CDH13: variants seen among roughly 807,000 people sequenced by gnomAD.
The protein encoded by CDH13 is cadherin-13.
A neutral mutation model predicts 63.8 loss-of-function variants in CDH13; 24 were observed. That is an observed-to-expected ratio of 0.38 (90% confidence interval 0.27 to 0.53). CDH13 has a LOEUF of 0.53. Ranked by LOEUF, CDH13 falls within the 20% of genes least tolerant of loss-of-function variation. The probability of loss-of-function intolerance (pLI) is 0.85; values close to 1 mark genes in which losing one functional copy is unlikely to be tolerated. For missense variants in CDH13, 1,049 were observed against 903.1 expected, an observed-to-expected ratio of 1.16 and a Z score of -2.07; for synonymous variants, 503 against 355.3, an observed-to-expected ratio of 1.42 and a Z score of -4.67.
intron 3 of CDH13, among the ~76,000 whole-genome samples, chr16:83,121,894 G>A (rs2035593934): frequency 6.6e-6 from 1 of 151,828 alleles, no homozygotes; most frequent in Non-Finnish European, 1.5e-5. Context: ...ATTTATAGAT[G>A]CTTTCAGAGC....
intron 6 of CDH13, among the ~76,000 whole-genome samples, chr16:83,413,683 G>A (rs530224588): frequency 6.6e-6 from 1 of 152,050 alleles, no homozygotes; most frequent in African/African-American, 2.4e-5. Context: ...TTACCTTGCC[G>A]GCCTCATCTA....
chr16:82,705,401 A>T (rs1198008318), intron 1 of CDH13: 1 of 267,520 alleles, frequency 3.7e-6, no homozygotes, highest in Non-Finnish European at 7.4e-6. Flanking sequence ...CAAGCCACAC[A>T]ATCGCCTCTA....
chr16:83,523,066 C>T (rs1276596682), intron 7 of CDH13, among the ~76,000 whole-genome samples: 1 of 152,172 alleles, frequency 6.6e-6, no homozygotes, highest in Non-Finnish European at 1.5e-5. Context: ...CATTTCTGGA[C>T]CCCCGGCCTC....
chr16:82,793,425 TTTAA>T (rs2036417539), intron 1 of CDH13, among the ~76,000 whole-genome samples: 1 of 149,776 alleles, frequency 6.7e-6, no homozygotes, highest in South Asian at 2.2e-4. Flanking sequence ...TGAAAAAGCA[TTTAA>T]TTGAATGTTC....
At chr16:83,619,012 G>A (rs552042377) in intron 8 of CDH13, among the ~76,000 whole-genome samples, 2 of 152,256 alleles carry the variant, frequency 1.3e-5, no homozygotes, top group South Asian at 2.1e-4. Flanking sequence ...GCTGTTGACC[G>A]GCTCAGATCT....
chr16:82,976,111 G>C (rs1475472676), intron 2 of CDH13, among the ~76,000 whole-genome samples: 1 of 152,318 alleles, frequency 6.6e-6, no homozygotes, highest in South Asian at 2.1e-4. Flanking sequence ...GACAAGAAAA[G>C]TATTTTTCAA....
At chr16:82,654,518 C>T (rs745439533) in intron 1 of CDH13, among the ~76,000 whole-genome samples, 1 of 152,196 alleles carries the variant, frequency 6.6e-6, no homozygotes, top group African/African-American at 2.4e-5. Flanking sequence ...ATGCAATATT[C>T]TTAAACCTAA....
At chr16:82,654,214 G>T (rs1308828833) in intron 1 of CDH13, among the ~76,000 whole-genome samples, 1 of 152,214 alleles carries the variant, frequency 6.6e-6, no homozygotes, top group Non-Finnish European at 1.5e-5. Flanking sequence ...TGGGGAGACA[G>T]CAGGTCCGAG....
chr16:83,359,968 C>T (rs74034190), intron 6 of CDH13, among the ~76,000 whole-genome samples: 2,633 of 152,328 alleles, frequency 0.017, 34 homozygotes, highest in African/African-American at 0.036. Flanking sequence ...GGACACCACA[C>T]ATATACTTTG....
chr16:83,272,255 C>A (rs557228972), intron 5 of CDH13, among the ~76,000 whole-genome samples: 1 of 152,312 alleles, frequency 6.6e-6, no homozygotes, highest in Non-Finnish European at 1.5e-5. Flanking sequence ...GATCCAGTGT[C>A]AGGGAATGAT....
chr16:83,172,017 G>T (rs559012511), intron 4 of CDH13, among the ~76,000 whole-genome samples: 69 of 152,078 alleles, frequency 4.5e-4, no homozygotes, highest in Non-Finnish European at 9.0e-4. Context: ...ACCAAAATTC[G>T]TATGTTGAAG....
chr16:83,658,321 C>G (rs62045339), intron 8 of CDH13, among the ~76,000 whole-genome samples: 24 of 4,922 alleles, frequency 4.9e-3, no homozygotes, highest in South Asian at 0.037. Flanking sequence ...CGTATCCTCA[C>G]CAGCAAGGTC....
chr16:83,171,669 AAATAGCATGC>A, intron 4 of CDH13: 1 of 962,548 alleles, frequency 1.0e-6, no homozygotes, highest in South Asian at 1.4e-5. Flanking sequence ...GTGACACTGC[AAATAGCATGC>A]TCTTTGGCAG....
intron 5 of CDH13, among the ~76,000 whole-genome samples, chr16:83,304,370 A>G (rs1006414324): frequency 6.6e-6 from 1 of 152,212 alleles, no homozygotes; most frequent in African/African-American, 2.4e-5. Flanking sequence ...AAGGAGTCTG[A>G]ATGGGACCAT....
intron 1 of CDH13, among the ~76,000 whole-genome samples, chr16:82,734,034 G>GC (rs1425745513): frequency 2.7e-4 from 1 of 3,672 alleles, no homozygotes; most frequent in Non-Finnish European, 0.016. Context: ...AAAATAAGGT[G>GC]GGAAGAGAAC....
intron 6 of CDH13, among the ~76,000 whole-genome samples, chr16:83,426,529 A>G (rs1038371938): frequency 1.3e-5 from 2 of 151,730 alleles, no homozygotes; most frequent in Non-Finnish European, 2.9e-5. Context: ...ACACACACAC[A>G]CACACACACA....
chr16:83,680,124 C>T (rs1053181730), intron 10 of CDH13, among the ~76,000 whole-genome samples: 1 of 152,216 alleles, frequency 6.6e-6, no homozygotes, highest in Non-Finnish European at 1.5e-5. Flanking sequence ...CGAGATAGCA[C>T]AGGAGCTAGG....
At chr16:83,590,988 G>A (rs532300494) in intron 7 of CDH13, among the ~76,000 whole-genome samples, 51 of 137,078 alleles carry the variant, frequency 3.7e-4, no homozygotes, top group African/African-American at 1.3e-3. Flanking sequence ...TTAGCACACC[G>A]CAATCTCCAC....
chr16:83,318,814 G>C (rs977662872), intron 5 of CDH13, among the ~76,000 whole-genome samples: 5 of 152,116 alleles, frequency 3.3e-5, no homozygotes, highest in African/African-American at 1.2e-4. Flanking sequence ...CAATGGTGCT[G>C]TCTTTCTTTT....
Sources: gnomAD v4.1 joint callset for allele counts (sites outside exome capture counted in the v4.1 genomes callset) on GRCh38, gnomAD v4.1.1 for gene constraint, MANE v1.5 for transcripts, NCBI Gene and HGNC (gene_info 2026-07-23, HGNC 2026-07-21) for gene names.